Variants in ATM observed in about 807,000 individuals in gnomAD.
ATM encodes serine-protein kinase ATM.
Under a neutral mutation model 387.0 loss-of-function variants are expected in ATM, and 308 were observed. That is an observed-to-expected ratio of 0.80 (90% CI 0.73 to 0.87). The LOEUF is 0.87. Ranked by LOEUF, ATM falls within the 40% of genes least tolerant of loss-of-function variation. The pLI, the probability that ATM is intolerant of heterozygous loss-of-function variation, is 0.00. For synonymous variants in ATM, 1,156 were observed against 1,187.3 expected (o/e 0.97, Z 0.54); for missense variants, 3,312 against 3,560.9 (o/e 0.93, Z 1.78).
chr11:108,325,825 T>C (rs2085618901), intron 46 of ATM, among the ~76,000 whole-genome samples: 1 of 152,186 alleles, frequency 6.6e-6, no homozygotes, highest in South Asian at 2.1e-4. Flanking sequence ...TTATATACTG[T>C]GTGTATGTAC....
At chr11:108,244,730 A>G (rs2079746262) in intron 6 of ATM, 58 bp from the exon 7 acceptor site, 6 of 1,310,246 alleles carry the variant, frequency 4.6e-6, no homozygotes, top group Non-Finnish European at 6.6e-6. Context: ...ATAACTGTTC[A>G]GTTTGTACAG....
At chr11:108,315,055 C>G (rs1035909061) in intron 40 of ATM, among the ~76,000 whole-genome samples, 1 of 152,164 alleles carries the variant, frequency 6.6e-6, no homozygotes, top group Non-Finnish European at 1.5e-5. Context: ...TGGTGTTAAT[C>G]AAGGCTTATA....
At chr11:108,353,944 G>A (rs2089540589) in intron 60 of ATM, 64 bp downstream of exon 60, 1 of 1,472,410 alleles carries the variant, frequency 6.8e-7, no homozygotes, top group African/African-American at 1.4e-5. Flanking sequence ...GGCTGGGCAT[G>A]GTTCTTTGCA....
At chr11:108,357,202 G>C (rs982045975) in intron 61 of ATM, among the ~76,000 whole-genome samples, 1 of 152,188 alleles carries the variant, frequency 6.6e-6, no homozygotes, top group Non-Finnish European at 1.5e-5. Flanking sequence ...CTGGAAAATC[G>C]GGTCACTCCC....
At chr11:108,301,539 T>G in intron 34 of ATM, 109 bp from the exon 35 acceptor site, 1 of 1,347,362 alleles carries the variant, frequency 7.4e-7, no homozygotes, top group Non-Finnish European at 1.0e-6. Context: ...ATGTAAAGTT[T>G]CCTAATACAA....
At position 108,334,432 on chromosome 11, in the gene ATM, C is replaced by T. The variant is rs532765561; in HGVS notation, c.8010+464C>T. ...TATGCATGATACACTTAGCTCTGTTCTAATATTCTTTTATTGCAAGAAATA... is the reference window on the plus strand; with the variant it reads ...TATGCATGATACACTTAGCTCTGTTTTAATATTCTTTTATTGCAAGAAATA... On this transcript the variant is annotated intron_variant, in intron 54 of 62. Transcript: ENST00000675843. Among the ~76,000 whole-genome samples the T allele has an allele frequency of 3.9e-5, 6 of 152,276 alleles. No homozygotes were observed. The South Asian group carries it at 1.2e-3, about 32-fold the overall frequency.
chr11:108,297,650 T>C (rs747458569), intron 33 of ATM, among the ~76,000 whole-genome samples: 3 of 152,218 alleles, frequency 2.0e-5, no homozygotes, highest in Non-Finnish European at 4.4e-5. Flanking sequence ...AGCATGATTG[T>C]ATTGGCGGAA....
At chr11:108,318,537 A>G (rs1346047226) in intron 43 of ATM, among the ~76,000 whole-genome samples, 1 of 151,838 alleles carries the variant, frequency 6.6e-6, no homozygotes, top group Non-Finnish European at 1.5e-5. Flanking sequence ...TAAAAATGCA[A>G]AAATTAGCTG....
rs143747813 is a variant in ATM, at chr11:108,318,934, G to A, written c.6348-1020G>A. On this transcript the variant is annotated intron_variant, in intron 43 of 62. Coordinates refer to ENST00000675843, the MANE Select transcript of ATM (RefSeq NM_000051.4). ...CTCATGCCTATAATCCCAGCACTTT[G>A]GAAGGCTGAGGAGGGTGGATCACAT... is the stretch of plus-strand genomic sequence containing the variant. Among the ~76,000 whole-genome samples the A allele has an allele frequency of 7.7e-3, 1,167 of 152,194 alleles. 10 individuals carry two copies. Among genetic ancestry groups the A allele is most frequent in the African/African-American group, 0.025 (1,035 of 41,518 alleles).
In ATM at chr11:108,307,797, G is replaced by A. The variant is rs765204956; in HGVS notation, c.5675-100G>A. The A allele has an allele frequency of 1.5e-4, 159 of 1,093,404 alleles. 1 individual carries two copies. Among genetic ancestry groups the A allele is most frequent in the Non-Finnish European group, 2.1e-4 (154 of 731,016 alleles). The allele number at this position is 1,093,404 out of a possible 1,614,324, so 67.7% of individuals were successfully genotyped here. A position where few individuals can be genotyped will look rare whatever the true frequency, so the allele number is the denominator to read the frequency against. ...ATTTTGTGTTAGGTACTGCCCACCA[G>A]AACCTTATAGCATAGTGGGAGACAG... is the stretch of plus-strand genomic sequence containing the variant. On this transcript the variant is annotated intron_variant, in intron 37 of 62. Transcript: ENST00000675843.
At chr11:108,362,607 TAC>T (rs1417458104) in intron 61 of ATM, among the ~76,000 whole-genome samples, 1 of 149,612 alleles carries the variant, frequency 6.7e-6, no homozygotes, top group Non-Finnish European at 1.5e-5. Context: ...CACCATGGAA[TAC>T]TATGCAGCCA....
chr11:108,332,112 TTG>T, intron 52 of ATM, 75 bp downstream of exon 52: 1 of 1,562,690 alleles, frequency 6.4e-7, no homozygotes, highest in Non-Finnish European at 8.7e-7. Flanking sequence ...TTTTAAAATC[TTG>T]TGTTATTAAG....
chr11:108,294,836 A>G (rs1189328562), intron 31 of ATM, 91 bp from the exon 32 acceptor site: 3 of 1,413,692 alleles, frequency 2.1e-6, no homozygotes, highest in Non-Finnish European at 3.0e-6. Flanking sequence ...GTGTCTATAA[A>G]TGGCACTTAA....
intron 11 of ATM, 151 bp downstream of exon 11, chr11:108,252,182 C>A: frequency 1.3e-6 from 1 of 751,684 alleles, no homozygotes; most frequent in Non-Finnish European, 2.1e-6. Context: ...TTTGTTTTTA[C>A]AGTTATCTGT....
chr11:108,310,128 AGTG>A, intron 38 of ATM, 29 bp from the exon 39 acceptor site: 5 of 1,600,014 alleles, frequency 3.1e-6, no homozygotes, highest in Non-Finnish European at 4.3e-6. Flanking sequence ...AGTTTAAAAA[AGTG>A]AATGACATTA....
chr11:108,269,498 C>G (rs1217737139), intron 18 of ATM, among the ~76,000 whole-genome samples: 1 of 152,088 alleles, frequency 6.6e-6, no homozygotes, highest in African/African-American at 2.4e-5. Context: ...TTATAAATTG[C>G]TTTACTAGCA....
At chr11:108,229,554 G>T in intron 4 of ATM, 1 of 452,408 alleles carries the variant, frequency 2.2e-6, no homozygotes, top group Non-Finnish European at 3.9e-6. Context: ...AAAGAAATCT[G>T]TAACTGGTTG....
At chr11:108,257,751 T>A in intron 15 of ATM, 145 bp downstream of exon 15, 1 of 844,480 alleles carries the variant, frequency 1.2e-6, no homozygotes, top group Non-Finnish European at 1.9e-6. Context: ...TCCCAAGTAA[T>A]TGGGACTACA....
intron 61 of ATM, among the ~76,000 whole-genome samples, chr11:108,361,301 TACAA>T (rs1446799909): frequency 7.5e-6 from 1 of 133,824 alleles, no homozygotes; most frequent in Non-Finnish European, 1.6e-5. Flanking sequence ...TAAAAGAGGA[TACAA>T]ACAAATGGAA....
Sources: gnomAD v4.1 joint callset for allele counts (sites outside exome capture counted in the v4.1 genomes callset) on GRCh38, gnomAD v4.1.1 for gene constraint, MANE v1.5 for transcripts, NCBI Gene and HGNC (gene_info 2026-07-23, HGNC 2026-07-21) for gene names.